Variants in MAP3K6 observed in about 807,000 individuals in gnomAD.
MAP3K6 encodes mitogen-activated protein kinase kinase kinase 6, also known as apoptosis signal-regulating kinase 2.
A neutral mutation model predicts 147.1 loss-of-function variants in MAP3K6; 105 were observed. That is an observed-to-expected ratio of 0.71 (90% CI 0.61 to 0.84). MAP3K6 has a LOEUF of 0.84. MAP3K6 is among the 40% of genes least tolerant of loss of function. The pLI is 0.00. For missense variants in MAP3K6, 1,569 were observed against 1,715.0 expected (o/e 0.91, Z 1.50); for synonymous variants, 695 against 732.4 (o/e 0.95, Z 0.82).
chr1:27,360,688 G>T lies in MAP3K6; in HGVS notation c.2054+17C>A. The stretch of plus-strand genomic sequence containing the variant: ...CTCGCGAGCCCTCAGCCCCACCCGC[G>T]CTGCCACGCACCGCACCTGCTGTCC... On this transcript the variant is annotated intron_variant, in intron 15 of 28. Coordinates refer to ENST00000357582, the MANE Select transcript of MAP3K6 (RefSeq NM_004672.5). The surrounding 1 kb of genome is among the most constrained non-coding windows in gnomAD (Gnocchi z 4.5). 1 of 1,601,790 alleles carries T rather than the reference G, an allele frequency of 6.2e-7. No individual in the cohort carries two copies. Among genetic ancestry groups the T allele is most frequent in the East Asian group, 2.3e-5 (1 of 44,282 alleles).
Position 27,360,957 on chromosome 1 carries a change from G to C in MAP3K6, c.1884C>G (p.Pro628=). 6.2e-7 allele frequency: 1 copy of C among 1,607,526 alleles called. No homozygotes were observed. The highest frequency in any genetic ancestry group is 1.3e-5 in the African/African-American group (1 of 74,936). The change falls in exon 14 of 29, where the codon CCC becomes CCG. Residue 628 remains proline, a synonymous_variant. Transcript: ENST00000357582. This position sits in a 1 kb window ranked among gnomAD's most constrained non-coding sequence, Gnocchi z 4.5. ...AWVTNPDSTA[P]AEEAEGAGEM... Reference sequence around the variant, plus strand: ...CCCCCGCGCCCTCCGCCTCCTCCGCGGGCGCCGTGGAATCCGGGTTCGTCA... The same window carrying C: ...CCCCCGCGCCCTCCGCCTCCTCCGCCGGCGCCGTGGAATCCGGGTTCGTCA...
At chr1:27,365,006 G>T in intron 1 of MAP3K6, 94 bp from the exon 2 acceptor site, 7 of 1,353,076 alleles carry the variant, frequency 5.2e-6, no homozygotes, top group Admixed American at 2.5e-5. Flanking sequence ...CTTGCTGTGG[G>T]ACTCCAGTAG....
chr1:27,359,402 C>A lies in MAP3K6; in HGVS notation c.2425+15G>T. 1 of 1,614,074 alleles carries A rather than the reference C, an allele frequency of 6.2e-7. No individual in the cohort carries two copies. Among genetic ancestry groups the A allele is most frequent in the Non-Finnish European group, 8.5e-7 (1 of 1,179,986 alleles). ...CAGGTCAGCATCCCCACTCACCACCCCCACACCTTGTTACCTGTGAAGGTC... is the reference window on the plus strand; with the variant it reads ...CAGGTCAGCATCCCCACTCACCACCACCACACCTTGTTACCTGTGAAGGTC... On this transcript the variant is annotated intron_variant, in intron 18 of 28. Coordinates refer to ENST00000357582, the MANE Select transcript of MAP3K6 (RefSeq NM_004672.5). The surrounding 1 kb of genome is among the most constrained non-coding windows in gnomAD (Gnocchi z 4.4).
intron 1 of MAP3K6, among the ~76,000 whole-genome samples, chr1:27,365,251 C>T (rs775800325): frequency 7.2e-5 from 11 of 152,170 alleles, no homozygotes; most frequent in Admixed American, 1.3e-4. Context: ...AGTCCCCTCC[C>T]TTTGGTCTTC....
Position 27,363,001 on chromosome 1 carries a change from C to G in MAP3K6, c.992G>C (p.Arg331Pro), listed in dbSNP as rs369889760. The G allele has an allele frequency of 1.2e-6, 2 of 1,613,802 alleles. No individual in the cohort carries two copies. The highest frequency in any genetic ancestry group is 1.7e-6 in the Non-Finnish European group (2 of 1,179,928). Residue 331 changes from arginine to proline, a missense_variant, in exon 7 of 29, where the codon CGG (arginine) becomes CCG (proline). Physicochemically the swap from Arg to Pro is moderately radical, Grantham distance 103. Transcript: ENST00000357582. ...ALNRRNRPGD[R>P]AKALSVLLPL... ...CAGCAGCACAGACAGGGCCTTCGCC[C>G]GGTCCCCAGGCCTGTTCCTCCTAGG...
rs764549441 is a variant in MAP3K6 at position 27,361,281 on chromosome 1, G to C, written c.1737-29C>G. 4 of 1,606,582 alleles carry C rather than the reference G, an allele frequency of 2.5e-6. No individual in the cohort carries two copies. The African/African-American group carries it at 5.7e-5, about 23-fold the overall frequency. ...GGAAGGGATGAAGAACCCAGTAAGC[G>C]TCAGGCTGGGTGGCAGCGACCCTCA... On this transcript the variant is annotated intron_variant, in intron 12 of 28. Coordinates refer to ENST00000357582, the MANE Select transcript of MAP3K6 (RefSeq NM_004672.5).
Position 27,360,184 on chromosome 1 carries a change from G to A in MAP3K6, c.2182+57C>T, listed in dbSNP as rs988444914. The A allele has an allele frequency of 1.9e-6, 3 of 1,603,698 alleles. No homozygotes were observed. Among genetic ancestry groups the A allele is most frequent in the East Asian group, 4.5e-5 (2 of 44,664 alleles). On this transcript the variant is annotated intron_variant, in intron 16 of 28. Coordinates refer to ENST00000357582, the MANE Select transcript of MAP3K6 (RefSeq NM_004672.5). The surrounding 1 kb of genome is among the most constrained non-coding windows in gnomAD (Gnocchi z 4.5). The stretch of plus-strand genomic sequence containing the variant: ...CCCCTAGGGCTCTCTACCCCTGCCT[G>A]CCTCGGTCCCATGCTTCACACCTCG...
In MAP3K6 at chr1:27,360,658, C is replaced by G; in HGVS notation, c.2054+47G>C. 1 of 1,577,774 alleles carries G rather than the reference C, an allele frequency of 6.3e-7. No individual in the cohort carries two copies. Among genetic ancestry groups the G allele is most frequent in the Non-Finnish European group, 8.6e-7 (1 of 1,163,388 alleles). ...CGCTCCGCTCGTGGCCCGGCTCACT[C>G]GGCCCTCGCGAGCCCTCAGCCCCAC... On this transcript the variant is annotated intron_variant, in intron 15 of 28. Transcript: ENST00000357582. This position sits in a 1 kb window ranked among gnomAD's most constrained non-coding sequence, Gnocchi z 4.5.
chr1:27,362,347 T>A (rs1283058821), intron 8 of MAP3K6, 97 bp from the exon 9 acceptor site: 1 of 1,275,402 alleles, frequency 7.8e-7, no homozygotes, highest in South Asian at 1.5e-5. Flanking sequence ...AACATAGATA[T>A]GAGTATGGCA....
chr1:27,356,342 C>G (rs1271192727), intron 26 of MAP3K6, 46 bp downstream of exon 26: 1 of 1,513,120 alleles, frequency 6.6e-7, no homozygotes, highest in Non-Finnish European at 8.9e-7. Context: ...GTGCTAGAAG[C>G]TGCCTTGAAC....
Position 27,366,107 on chromosome 1 carries a change from C to G in MAP3K6, c.340+151G>C. On this transcript the variant is annotated intron_variant, in intron 1 of 28. Coordinates refer to ENST00000357582, the MANE Select transcript of MAP3K6 (RefSeq NM_004672.5). This position sits in a 1 kb window ranked among gnomAD's most constrained non-coding sequence, Gnocchi z 5.5. ...CCCCTAAATCCCACTTTTTTCACGG[C>G]CCTGTCCCAAGCCCTTCAGCTTTAG... The G allele has an allele frequency of 1.1e-6, 1 of 872,558 alleles. No homozygotes were observed. Among genetic ancestry groups the G allele is most frequent in the Non-Finnish European group, 1.5e-6 (1 of 662,512 alleles). The allele number at this position is 872,558 out of a possible 1,614,324, so 54.1% of individuals were successfully genotyped here.
Position 27,359,881 on chromosome 1 carries a change from G to T in MAP3K6, c.2296C>A (p.His766Asn), listed in dbSNP as rs749649390. ...LQGLGYLHDN[H>N]IVHRDIKGDN... The stretch of plus-strand genomic sequence containing the variant: ...ACTTTTATGTCCCTGTGCACGATGT[G>T]GTTGTCGTGCAAGTAGCCAAGTCCC... Residue 766 changes from histidine to asparagine, a missense_variant, in exon 17 of 29, where the codon CAC becomes AAC. Transcript: ENST00000357582. This position sits in a 1 kb window ranked among gnomAD's most constrained non-coding sequence, Gnocchi z 4.4. 16 of 1,614,032 alleles carry T rather than the reference G, an allele frequency of 9.9e-6. No homozygotes were observed. Among genetic ancestry groups the T allele is most frequent in the South Asian group, 8.8e-5 (8 of 91,086 alleles).
In MAP3K6 at chr1:27,356,683, C is replaced by T; in HGVS notation, c.3431G>A (p.Ser1144Asn). The T allele has an allele frequency of 1.2e-6, 2 of 1,610,016 alleles. No homozygotes were observed. The highest frequency in any genetic ancestry group is 1.7e-5 in the Admixed American group (1 of 59,270). ...CGGAAGCGGGCTCTGCTGGCCTGGG[C>T]TCTGCTGGGAGTCCCCTTCATTACT... ...ELSNEGDSQQ[S>N]PGQQSPLPVE... The change falls in exon 25 of 29, where the codon AGC becomes AAC. Residue 1144 changes from serine to asparagine, a missense_variant. Physicochemically the swap from Ser to Asn is conservative, Grantham distance 46. Transcript: ENST00000357582.
rs2015689382 is a variant in MAP3K6, at chr1:27,360,082, T to A, written c.2183-88A>T. The A allele has an allele frequency of 7.5e-6, 12 of 1,591,010 alleles. No individual in the cohort carries two copies. The South Asian group carries it at 1.3e-4, about 18-fold the overall frequency. ...TCAAGGCCCAGACACACCCATGTTG[T>A]AGCCCAACTCCATCACCCAGCGCCA... On this transcript the variant is annotated intron_variant, in intron 16 of 28. Coordinates refer to ENST00000357582, the MANE Select transcript of MAP3K6 (RefSeq NM_004672.5). The surrounding 1 kb of genome is among the most constrained non-coding windows in gnomAD (Gnocchi z 4.5).
intron 24 of MAP3K6, 105 bp from the exon 25 acceptor site, chr1:27,356,854 C>T (rs1243464924): frequency 2.1e-6 from 3 of 1,459,090 alleles, no homozygotes; most frequent in Non-Finnish European, 2.8e-6. Context: ...AGGCCCCAGG[C>T]GGTGCCGGTA....
At chr1:27,357,914 GC>G in intron 21 of MAP3K6, 38 bp from the exon 22 acceptor site, 2 of 1,541,348 alleles carry the variant, frequency 1.3e-6, no homozygotes, top group East Asian at 4.7e-5. Flanking sequence ...AGGACGGGCA[GC>G]AACCGGCCAG....
rs773026224 is a variant in MAP3K6, at chr1:27,366,210, A to G, written c.340+48T>C. 64 of 1,272,068 alleles carry G rather than the reference A, an allele frequency of 5.0e-5. No individual in the cohort carries two copies. The highest frequency in any genetic ancestry group is 4.2e-5 in the Admixed American group (1 of 23,816). 78.8% of individuals were successfully genotyped at this position (1,272,068 alleles called of 1,614,324 possible). A position where few individuals can be genotyped will look rare whatever the true frequency, so the allele number is the denominator to read the frequency against. On this transcript the variant is annotated intron_variant, in intron 1 of 28. Transcript: ENST00000357582. This position sits in a 1 kb window ranked among gnomAD's most constrained non-coding sequence, Gnocchi z 5.5. Reference sequence around the variant, plus strand: ...TTCGAGCCCGGCTTGGTCCCCTCCCAGGACCCTGAGTCCCGCCCGGATCCG... The same window carrying G: ...TTCGAGCCCGGCTTGGTCCCCTCCCGGGACCCTGAGTCCCGCCCGGATCCG...
intron 24 of MAP3K6, 104 bp from the exon 25 acceptor site, chr1:27,356,853 G>A (rs897476084): frequency 4.6e-5 from 68 of 1,463,722 alleles, no homozygotes; most frequent in Non-Finnish European, 6.2e-5. Flanking sequence ...CAGGCCCCAG[G>A]CGGTGCCGGT....
intron 8 of MAP3K6, 136 bp from the exon 9 acceptor site, chr1:27,362,386 C>T: frequency 1.1e-6 from 1 of 890,688 alleles, no homozygotes; most frequent in Non-Finnish European, 1.7e-6. Context: ...CGGGTGGGAA[C>T]AGGAGCTCAG....
Sources: allele counts gnomAD v4.1 joint callset (sites outside exome capture counted in the v4.1 genomes callset), GRCh38; gene constraint gnomAD v4.1.1; non-coding constraint Gnocchi (gnomAD v3.1); transcripts MANE v1.5; gene names NCBI Gene and HGNC (gene_info 2026-07-23, HGNC 2026-07-21).